MMP16: variants seen among roughly 807,000 people sequenced by gnomAD.
MMP16 encodes matrix metallopeptidase 16, also known as matrix metalloproteinase-16.
In MMP16, 12 loss-of-function variants were observed where a neutral mutation model predicts 67.8. The ratio of observed to expected loss-of-function variants is 0.18; its 90% CI spans 0.11 to 0.29. MMP16 has a LOEUF of 0.29. Ranked by LOEUF, MMP16 falls within the 10% of genes least tolerant of loss-of-function variation. The pLI is 1.00. For synonymous variants in MMP16, 249 were observed against 255.9 expected, an observed-to-expected ratio of 0.97 and a Z score of 0.26; for missense variants, 475 against 765.7, an observed-to-expected ratio of 0.62 and a Z score of 4.48.
intron 1 of MMP16, among the ~76,000 whole-genome samples, chr8:88,268,464 T>C (rs767927625): frequency 2.0e-4 from 31 of 152,332 alleles, no homozygotes; most frequent in Admixed American, 3.9e-4. Context: ...CTTCAAGGAA[T>C]ATGTATTCTA....
At chr8:88,278,126 G>GCTC in intron 1 of MMP16, among the ~76,000 whole-genome samples, 1 of 152,298 alleles carries the variant, frequency 6.6e-6, no homozygotes, top group Admixed American at 6.5e-5. Context: ...ATTTAAGTCT[G>GCTC]CTCCTCCTCC....
At chr8:88,106,199 A>G (rs937024994) in intron 6 of MMP16, among the ~76,000 whole-genome samples, 8 of 151,060 alleles carry the variant, frequency 5.3e-5, no homozygotes, top group African/African-American at 1.9e-4. Flanking sequence ...CCTTTTAGGG[A>G]TAATTTGTAT....
At chr8:88,277,146 G>A (rs1422968697) in intron 1 of MMP16, among the ~76,000 whole-genome samples, 3 of 152,094 alleles carry the variant, frequency 2.0e-5, no homozygotes, top group Admixed American at 2.0e-4. Flanking sequence ...AGTCACCACA[G>A]TAAAACTAAA....
chr8:88,164,721 A>T lies in MMP16; in HGVS notation c.709+2948T>A, dbSNP rs545353624. ...CTCCAAATAAAAACTCAAATATTAA[A>T]CAATTGTTTTGTTTAGATTTTTTGG... is the stretch of plus-strand genomic sequence containing the variant. On this transcript the variant is annotated intron_variant, in intron 4 of 9. Coordinates refer to ENST00000286614, the MANE Select transcript of MMP16 (RefSeq NM_005941.5). Among the ~76,000 whole-genome samples the T allele has an allele frequency of 4.8e-4, 73 of 152,024 alleles. 1 individual carries two copies. In the South Asian group the frequency reaches 0.015, roughly 30 times the overall value.
At chr8:88,097,858 T>G (rs145073382) in intron 6 of MMP16, among the ~76,000 whole-genome samples, 1 of 151,940 alleles carries the variant, frequency 6.6e-6, no homozygotes, top group African/African-American at 2.4e-5. Context: ...GTCACTGAGT[T>G]GAAGAAATTT....
intron 1 of MMP16, among the ~76,000 whole-genome samples, chr8:88,252,596 T>C (rs1202711311): frequency 1.3e-5 from 2 of 148,968 alleles, no homozygotes; most frequent in African/African-American, 5.0e-5. Context: ...TGAAGTTGAA[T>C]AGTATTTTTA....
chr8:88,203,802 T>C (rs1004373264), intron 1 of MMP16, among the ~76,000 whole-genome samples: 5 of 152,360 alleles, frequency 3.3e-5, no homozygotes, highest in Admixed American at 1.3e-4. Flanking sequence ...AAATGAGTTA[T>C]GTATTTTCTT....
Position 88,034,812 on chromosome 8 carries a change from T to C in MMP16, c.*6649A>G, listed in dbSNP as rs891343128. 1.6e-4 allele frequency: 25 copies of C among 152,064 alleles called. No individual in the cohort carries two copies. Among genetic ancestry groups the C allele is most frequent in the African/African-American group, 6.0e-4 (25 of 41,446 alleles). The allele number at this position is 152,064 out of a possible 1,614,324, so 9.4% of individuals were successfully genotyped here. A position where few individuals can be genotyped will look rare whatever the true frequency, so the allele number is the denominator to read the frequency against. The stretch of plus-strand genomic sequence containing the variant: ...GCTCACACCAGGCTTCATTCAACCA[T>C]GTCTTGGCAAGACAGGCCAATGTAG... On this transcript the variant is annotated 3_prime_UTR_variant, in exon 10 of 10. Transcript: ENST00000286614.
At chr8:88,049,802 T>C (rs1280621588) in intron 8 of MMP16, among the ~76,000 whole-genome samples, 1 of 152,062 alleles carries the variant, frequency 6.6e-6, no homozygotes, top group Non-Finnish European at 1.5e-5. Flanking sequence ...GATGGATGGA[T>C]TGCTTGAGCC....
At chr8:88,043,994 A>C (rs942257397) in intron 9 of MMP16, among the ~76,000 whole-genome samples, 1 of 152,224 alleles carries the variant, frequency 6.6e-6, no homozygotes, top group Non-Finnish European at 1.5e-5. Context: ...CCTCATCTTT[A>C]ATTTTTGGCT....
intron 6 of MMP16, among the ~76,000 whole-genome samples, chr8:88,114,794 C>A (rs1451840711): frequency 6.6e-6 from 1 of 151,970 alleles, no homozygotes; most frequent in East Asian, 1.9e-4. Flanking sequence ...TTCAAGATAA[C>A]CTCAGAGTTT....
In MMP16 at chr8:88,037,311, A is replaced by G. The variant is rs1808067906; in HGVS notation, c.*4150T>C. ...ACACAGTATATGAAATGGCCAAATT[A>G]TGTGTTAACAAAAAAAGATTATAGG... On this transcript the variant is annotated 3_prime_UTR_variant, in exon 10 of 10. Coordinates refer to ENST00000286614, the MANE Select transcript of MMP16 (RefSeq NM_005941.5). 1 of 151,690 alleles carries G rather than the reference A, an allele frequency of 6.6e-6. No individual in the cohort carries two copies. The highest frequency in any genetic ancestry group is 2.1e-4 in the South Asian group (1 of 4,820). 9.4% of individuals were successfully genotyped at this position (151,690 alleles called of 1,614,324 possible). A position where few individuals can be genotyped will look rare whatever the true frequency, so the allele number is the denominator to read the frequency against.
intron 1 of MMP16, among the ~76,000 whole-genome samples, chr8:88,298,577 G>T (rs1342109643): frequency 6.6e-6 from 1 of 152,084 alleles, no homozygotes; most frequent in African/African-American, 2.4e-5. Flanking sequence ...GTTCTACTCC[G>T]ACCTCCTGAA....
At chr8:88,229,714 A>G (rs1320136360) in intron 1 of MMP16, among the ~76,000 whole-genome samples, 1 of 152,104 alleles carries the variant, frequency 6.6e-6, no homozygotes, top group African/African-American at 2.4e-5. Flanking sequence ...AAAAAAGACA[A>G]GAATGCTATT....
chr8:88,056,164 TC>T lies in MMP16; in HGVS notation c.1336del (p.Glu446ArgfsTer21). ...PHGIDSAIWW[E>X]DVGKTYFFKG... The stretch of plus-strand genomic sequence containing the variant: ...GAAGAAATAGGTTTTCCCGACGTCC[TC>T]CCACCAAATGGCTGAATCAATACCA... On this transcript the variant is annotated frameshift_variant, in exon 8 of 10. Transcript: ENST00000286614. LOFTEE classifies it high-confidence loss of function. 1 of 1,590,980 alleles carries T rather than the reference TC, an allele frequency of 6.3e-7. No homozygotes were observed. The highest frequency in any genetic ancestry group is 1.7e-5 in the Admixed American group (1 of 57,496).
At chr8:88,108,462 T>C (rs867926417) in intron 6 of MMP16, among the ~76,000 whole-genome samples, 3 of 151,410 alleles carry the variant, frequency 2.0e-5, no homozygotes, top group Admixed American at 6.6e-5. Context: ...TAAGCATTTG[T>C]CTATTTTCCC....
chr8:88,100,793 A>G (rs538765041), intron 6 of MMP16, among the ~76,000 whole-genome samples: 32 of 152,196 alleles, frequency 2.1e-4, no homozygotes, highest in Non-Finnish European at 3.8e-4. Context: ...AATACTATGC[A>G]GCCATAAAGA....
intron 4 of MMP16, among the ~76,000 whole-genome samples, chr8:88,149,036 T>A (rs1002228400): frequency 1.3e-5 from 2 of 152,168 alleles, no homozygotes; most frequent in African/African-American, 2.4e-5. Flanking sequence ...GGGCGAGGCA[T>A]TGCCTCACCT....
chr8:88,283,394 AG>A (rs1810772291), intron 1 of MMP16, among the ~76,000 whole-genome samples: 1 of 152,210 alleles, frequency 6.6e-6, no homozygotes, highest in African/African-American at 2.4e-5. Flanking sequence ...ACACTAGACA[AG>A]TTATTTGATC....
Sources: gnomAD v4.1 joint callset for allele counts (sites outside exome capture counted in the v4.1 genomes callset) on GRCh38, gnomAD v4.1.1 for gene constraint, MANE v1.5 for transcripts, NCBI Gene and HGNC (gene_info 2026-07-23, HGNC 2026-07-21) for gene names.